PADI2: variants seen among roughly 807,000 people sequenced by gnomAD.
The protein encoded by PADI2 is peptidyl arginine deiminase 2.
Under a neutral mutation model 81.1 loss-of-function variants are expected in PADI2, and 70 were observed. The ratio of observed to expected loss-of-function variants is 0.86; its 90% confidence interval spans 0.71 to 1.05. The LOEUF (loss-of-function observed/expected upper bound fraction) is 1.05, where lower values mean the gene tolerates loss of function less well. Ranked by LOEUF, PADI2 falls within the 50% of genes least tolerant of loss-of-function variation. The pLI, the probability that PADI2 is intolerant of heterozygous loss-of-function variation, is 0.00. For missense variants in PADI2, 853 were observed against 889.9 expected, an observed-to-expected ratio of 0.96 and a Z score of 0.53; for synonymous variants, 338 against 358.0, an observed-to-expected ratio of 0.94 and a Z score of 0.63.
chr1:17,082,480 A>G, intron 10 of PADI2, 65 bp downstream of exon 10: 2 of 1,065,164 alleles, frequency 1.9e-6, no homozygotes, highest in Non-Finnish European at 2.9e-6. Context: ...GGGTCTCCTG[A>G]CCACTCTGTC....
In PADI2 at chr1:17,075,762, C is replaced by T; in HGVS notation, c.1372G>A (p.Ala458Thr). The T allele has an allele frequency of 6.2e-7, 1 of 1,613,956 alleles. No individual in the cohort carries two copies. Among genetic ancestry groups the T allele is most frequent in the Non-Finnish European group, 8.5e-7 (1 of 1,179,852 alleles). ...CAGTCTGAGTAGAGCTCCACGGGCG[C>T]CTGCACCTGCTGGGCCTTCAGGAAG... is the stretch of plus-strand genomic sequence containing the variant. ...RDFLKAQQVQ[A>T]PVELYSDWLT... The change falls in exon 12 of 16, where the codon GCG (alanine) becomes ACG (threonine). Residue 458 changes from alanine to threonine, a missense_variant. Ala to Thr is a moderately conservative substitution (Grantham distance 58). Coordinates refer to ENST00000375486, the MANE Select transcript of PADI2 (RefSeq NM_007365.3).
intron 14 of PADI2, among the ~76,000 whole-genome samples, chr1:17,070,529 G>A (rs1183661310): frequency 6.6e-6 from 1 of 152,248 alleles, no homozygotes; most frequent in Non-Finnish European, 1.5e-5. Flanking sequence ...GCCACCCCAT[G>A]AGCTGAGGAT....
intron 4 of PADI2, among the ~76,000 whole-genome samples, chr1:17,094,679 C>T (rs1206632611): frequency 1.3e-5 from 2 of 152,226 alleles, no homozygotes; most frequent in African/African-American, 2.4e-5. Context: ...AAAAGATGCT[C>T]AGCAAATATT....
intron 11 of PADI2, 192 bp downstream of exon 11, chr1:17,079,072 C>A: frequency 2.0e-6 from 1 of 510,496 alleles, no homozygotes. Flanking sequence ...TATATTAGAT[C>A]CTAAATCACA....
chr1:17,074,846 G>A lies in PADI2; in HGVS notation c.1549+10C>T, dbSNP rs1245487418. 1.3e-6 allele frequency: 2 copies of A among 1,582,522 alleles called. No individual in the cohort carries two copies. The highest frequency in any genetic ancestry group is 1.7e-5 in the Admixed American group (1 of 59,630). ...TCGCCACTTCCTGTCAAGGCCCTGTGGCCACTCACCTTTGAACATGATGGC... is the reference window on the plus strand; with the variant it reads ...TCGCCACTTCCTGTCAAGGCCCTGTAGCCACTCACCTTTGAACATGATGGC... On this transcript the variant is annotated intron_variant, in intron 13 of 15. Transcript: ENST00000375486.
chr1:17,079,143 C>T (rs2078325052), intron 11 of PADI2, 121 bp downstream of exon 11: 8 of 761,988 alleles, frequency 1.0e-5, no homozygotes, highest in Admixed American at 1.0e-4. Flanking sequence ...AACAGGAAGT[C>T]GTGGGAGGGA....
chr1:17,107,077 G>A (rs1412803439), intron 1 of PADI2, among the ~76,000 whole-genome samples: 1 of 152,186 alleles, frequency 6.6e-6, no homozygotes, highest in Non-Finnish European at 1.5e-5. Flanking sequence ...GCCTAGGGCT[G>A]GCGGCTTTGC....
chr1:17,109,927 T>C (rs1931514865), intron 1 of PADI2, among the ~76,000 whole-genome samples: 1 of 152,206 alleles, frequency 6.6e-6, no homozygotes, highest in South Asian at 2.1e-4. Context: ...CCCACCTTCA[T>C]TCCTCTGGAC....
intron 10 of PADI2, among the ~76,000 whole-genome samples, chr1:17,080,548 C>T (rs74974481): frequency 4.3e-4 from 66 of 152,274 alleles, no homozygotes; most frequent in African/African-American, 1.3e-3. Flanking sequence ...ATGGAGATTT[C>T]GGGTTGGTTT....
At chr1:17,072,162 G>C (rs1032869985) in intron 13 of PADI2, among the ~76,000 whole-genome samples, 2 of 152,248 alleles carry the variant, frequency 1.3e-5, no homozygotes, top group Admixed American at 1.3e-4. Flanking sequence ...GCAAGCGGCA[G>C]AGTTGGTGTG....
chr1:17,092,862 T>A (rs866116799), intron 5 of PADI2, among the ~76,000 whole-genome samples: 1 of 147,204 alleles, frequency 6.8e-6, no homozygotes, highest in Non-Finnish European at 1.5e-5. Flanking sequence ...GGCAGGAGGA[T>A]GGCTTGAACC....
chr1:17,119,243 G>C lies in PADI2; in HGVS notation c.92+37C>G, dbSNP rs1184456500. 5.0e-6 allele frequency: 7 copies of C among 1,409,272 alleles called. No homozygotes were observed. The highest frequency in any genetic ancestry group is 1.5e-5 in the African/African-American group (1 of 67,338). 87.3% of individuals were successfully genotyped at this position (1,409,272 alleles called of 1,614,324 possible). On this transcript the variant is annotated intron_variant, in intron 1 of 15. Transcript: ENST00000375486. The surrounding 1 kb of genome is among the most constrained non-coding windows in gnomAD (Gnocchi z 4.8). ...AGCGCGTCTCAGGATTTCTGGGCTCGAGATCTCGGCCCGGGCATCACGGTG... is the reference window on the plus strand; with the variant it reads ...AGCGCGTCTCAGGATTTCTGGGCTCCAGATCTCGGCCCGGGCATCACGGTG...
chr1:17,069,111 TC>T lies in PADI2; in HGVS notation c.1930del (p.Glu644LysfsTer35). The T allele has an allele frequency of 6.2e-7, 1 of 1,614,136 alleles. No homozygotes were observed. The highest frequency in any genetic ancestry group is 8.5e-7 in the Non-Finnish European group (1 of 1,180,016). ...DISAYHKFLGEVHCGTNVRRK... is the reference protein window; with the variant it reads ...DISAYHKFLGXVHCGTNVRRK... ...GCGGACGTTGGTGCCACAGTGGACT[TC>T]CCCCAGAAATTTGTGGTAGGCAGAA... On this transcript the variant is annotated frameshift_variant, in exon 16 of 16. Coordinates refer to ENST00000375486, the MANE Select transcript of PADI2 (RefSeq NM_007365.3). LOFTEE classifies it high-confidence loss of function.
At position 17,083,805 on chromosome 1, in the gene PADI2, A is replaced by T; in HGVS notation, c.971T>A (p.Val324Glu). 1 of 1,612,970 alleles carries T rather than the reference A, an allele frequency of 6.2e-7. No individual in the cohort carries two copies. Among genetic ancestry groups the T allele is most frequent in the Non-Finnish European group, 8.5e-7 (1 of 1,179,008 alleles). ...MKDNYLFLKE[V>E]KNLVEKTNCE... is the part of the protein sequence containing the mutation. ...GTTGGTTTTCTCCACAAGGTTCTTC[A>T]CCTCTTTCAGGAACAGGTAATTATC... The change falls in exon 9 of 16, where the codon GTG becomes GAG. Residue 324 changes from valine to glutamate, a missense_variant. Val to Glu is a moderately radical substitution (Grantham distance 121). Coordinates refer to ENST00000375486, the MANE Select transcript of PADI2 (RefSeq NM_007365.3).
At chr1:17,109,423 G>T (rs1475170183) in intron 1 of PADI2, among the ~76,000 whole-genome samples, 1 of 140,144 alleles carries the variant, frequency 7.1e-6, no homozygotes, top group Non-Finnish European at 1.5e-5. Flanking sequence ...AAAAGCTTGG[G>T]ATATCTCCAC....
At chr1:17,088,241 AC>A (rs1930540368) in intron 6 of PADI2, among the ~76,000 whole-genome samples, 1 of 152,104 alleles carries the variant, frequency 6.6e-6, no homozygotes, top group Admixed American at 6.6e-5. Context: ...GAGAGGAGAT[AC>A]TTGCATTGGT....
At chr1:17,100,005 G>C (rs1931084028) in intron 3 of PADI2, among the ~76,000 whole-genome samples, 1 of 151,298 alleles carries the variant, frequency 6.6e-6, no homozygotes, top group African/African-American at 2.4e-5. Context: ...ATACATTTTT[G>C]TGCCCAGGGG....
chr1:17,097,051 C>T (rs576327381), intron 3 of PADI2, among the ~76,000 whole-genome samples: 17 of 152,280 alleles, frequency 1.1e-4, no homozygotes, highest in African/African-American at 2.6e-4. Flanking sequence ...GAGTTGGAGA[C>T]GGATGAGGTC....
chr1:17,087,798 A>C (rs568294939), intron 6 of PADI2, among the ~76,000 whole-genome samples: 5 of 152,186 alleles, frequency 3.3e-5, no homozygotes, highest in Admixed American at 2.0e-4. Flanking sequence ...GAGCCACCAC[A>C]CCCGGCCTCA....
Sources: gnomAD v4.1 joint callset for allele counts (sites outside exome capture counted in the v4.1 genomes callset) on GRCh38, gnomAD v4.1.1 for gene constraint, Gnocchi (gnomAD v3.1) non-coding constraint, MANE v1.5 for transcripts, NCBI Gene and HGNC (gene_info 2026-07-23, HGNC 2026-07-21) for gene names.